Variants in LSAMP observed in about 807,000 individuals in gnomAD.
LSAMP encodes the protein limbic system-associated membrane protein.
Under a neutral mutation model 38.6 loss-of-function variants are expected in LSAMP, and 7 were observed. The ratio of observed to expected loss-of-function variants is 0.18; its 90% confidence interval spans 0.10 to 0.34. The LOEUF is 0.34. LSAMP is among the 10% of genes least tolerant of loss of function. The pLI, the probability that LSAMP is intolerant of heterozygous loss-of-function variation, is 1.00. For synonymous variants in LSAMP, 154 were observed against 166.8 expected, an observed-to-expected ratio of 0.92 and a Z score of 0.59; for missense variants, 313 against 420.0, an observed-to-expected ratio of 0.75 and a Z score of 2.23.
chr3:115,930,002 GT>G (rs1170325465), intron 3 of LSAMP, among the ~76,000 whole-genome samples: 4,126 of 79,990 alleles, frequency 0.052, 185 homozygotes, highest in African/African-American at 0.18. Context: ...TTTAGCAGAA[GT>G]TTTTTTTTTT....
chr3:115,911,839 T>A (rs1432635615), intron 3 of LSAMP, among the ~76,000 whole-genome samples: 2 of 152,258 alleles, frequency 1.3e-5, no homozygotes, highest in Non-Finnish European at 2.9e-5. Flanking sequence ...ATCCTTCTCA[T>A]CATTTGGTGT....
intron 3 of LSAMP, among the ~76,000 whole-genome samples, chr3:115,910,085 G>A (rs80326493): frequency 0.023 from 3,507 of 152,156 alleles, 159 homozygotes; most frequent in African/African-American, 0.078. Flanking sequence ...TTTACCCAGG[G>A]AGAAAGGTAA....
chr3:115,984,584 C>T (rs1283359091), intron 3 of LSAMP, among the ~76,000 whole-genome samples: 5 of 152,122 alleles, frequency 3.3e-5, no homozygotes, highest in Non-Finnish European at 7.3e-5. Context: ...GAATGTTTAT[C>T]ATATTACTAA....
chr3:116,075,312 A>C (rs1200701548), intron 2 of LSAMP, among the ~76,000 whole-genome samples: 3 of 149,376 alleles, frequency 2.0e-5, no homozygotes, highest in Admixed American at 6.7e-5. Flanking sequence ...AATTTCTTGT[A>C]TTTTTAGTAG....
At chr3:116,414,448 A>C (rs796987748) in intron 1 of LSAMP, among the ~76,000 whole-genome samples, 37 of 152,114 alleles carry the variant, frequency 2.4e-4, no homozygotes, top group African/African-American at 8.7e-4. Flanking sequence ...TCATCTATTT[A>C]TTTATTTATT....
At chr3:115,856,221 G>C (rs566476829) in intron 3 of LSAMP, among the ~76,000 whole-genome samples, 1 of 152,292 alleles carries the variant, frequency 6.6e-6, no homozygotes, top group South Asian at 2.1e-4. Context: ...TTCATATGTT[G>C]AAACTTAAGC....
intron 2 of LSAMP, among the ~76,000 whole-genome samples, chr3:116,062,977 A>T (rs1941623338): frequency 6.6e-6 from 1 of 152,190 alleles, no homozygotes; most frequent in Admixed American, 6.5e-5. Flanking sequence ...TATTCCATTC[A>T]AGTCGTGTGA....
chr3:116,069,731 AT>A (rs1295838373), intron 2 of LSAMP, among the ~76,000 whole-genome samples: 1 of 152,222 alleles, frequency 6.6e-6, no homozygotes, highest in East Asian at 1.9e-4. Context: ...AAATAGGGAC[AT>A]CAGAAAGAAA....
At chr3:116,441,561 G>A (rs2049435315) in intron 1 of LSAMP, among the ~76,000 whole-genome samples, 2 of 152,118 alleles carry the variant, frequency 1.3e-5, no homozygotes, top group African/African-American at 4.8e-5. Flanking sequence ...GCTATTCTTT[G>A]ACTTGTAAGA....
At chr3:115,962,606 T>C (rs915496707) in intron 3 of LSAMP, among the ~76,000 whole-genome samples, 7 of 152,172 alleles carry the variant, frequency 4.6e-5, no homozygotes, top group African/African-American at 1.7e-4. Flanking sequence ...GGATAATATA[T>C]GTGAAAGGAA....
intron 3 of LSAMP, among the ~76,000 whole-genome samples, chr3:115,881,569 T>A (rs1228925636): frequency 6.6e-6 from 1 of 152,162 alleles, no homozygotes; most frequent in Non-Finnish European, 1.5e-5. Flanking sequence ...AGAGCAAGCA[T>A]CCTTTTACTG....
In LSAMP at chr3:115,809,059, C is replaced by G. The variant is rs896202162; in HGVS notation, c.*1258G>C. The G allele has an allele frequency of 1.3e-5, 2 of 152,186 alleles. No homozygotes were observed. Among genetic ancestry groups the G allele is most frequent in the Non-Finnish European group, 2.9e-5 (2 of 68,038 alleles). 9.4% of individuals were successfully genotyped at this position (152,186 alleles called of 1,614,324 possible). A position where few individuals can be genotyped will look rare whatever the true frequency, so the allele number is the denominator to read the frequency against. On this transcript the variant is annotated 3_prime_UTR_variant, in exon 7 of 7. Transcript: ENST00000490035. ...TTGACACTTGGAGACCTTCCTGTTTCTGGGGATTTACTCAACACATGCTGC... is the reference window on the plus strand; with the variant it reads ...TTGACACTTGGAGACCTTCCTGTTTGTGGGGATTTACTCAACACATGCTGC...
chr3:116,193,816 G>C (rs997430001), intron 1 of LSAMP, among the ~76,000 whole-genome samples: 3 of 152,156 alleles, frequency 2.0e-5, no homozygotes, highest in African/African-American at 7.2e-5. Flanking sequence ...TGCCAGGAAA[G>C]TTAAACATGA....
chr3:115,897,907 A>G (rs931501900), intron 3 of LSAMP, among the ~76,000 whole-genome samples: 2 of 152,144 alleles, frequency 1.3e-5, no homozygotes, highest in African/African-American at 4.8e-5. Flanking sequence ...CAATGTCAAG[A>G]AGCCATGTTG....
At chr3:116,318,503 T>C (rs535533760) in intron 1 of LSAMP, among the ~76,000 whole-genome samples, 1 of 152,322 alleles carries the variant, frequency 6.6e-6, no homozygotes, top group South Asian at 2.1e-4. Flanking sequence ...CCAAGCCAAC[T>C]GTCAGCCTGA....
At chr3:116,038,134 G>A (rs114584532) in intron 2 of LSAMP, among the ~76,000 whole-genome samples, 1,856 of 152,192 alleles carry the variant, frequency 0.012, 37 homozygotes, top group African/African-American at 0.041. Context: ...CCTTGTTTCA[G>A]TCCCAGTTCC....
chr3:116,090,038 T>C (rs1708082857), intron 1 of LSAMP, among the ~76,000 whole-genome samples: 1 of 150,070 alleles, frequency 6.7e-6, no homozygotes, highest in Non-Finnish European at 1.5e-5. Context: ...TTTTTAATCA[T>C]AAAAAGTACA....
intron 1 of LSAMP, among the ~76,000 whole-genome samples, chr3:116,305,905 T>C (rs958135809): frequency 6.7e-6 from 1 of 150,018 alleles, no homozygotes; most frequent in Admixed American, 6.8e-5. Flanking sequence ...ATTTTATCTC[T>C]GCCTCTTGTA....
intron 3 of LSAMP, among the ~76,000 whole-genome samples, chr3:115,986,263 A>G (rs1425908579): frequency 6.6e-6 from 1 of 152,174 alleles, no homozygotes; most frequent in Non-Finnish European, 1.5e-5. Flanking sequence ...GAAGGAATGT[A>G]GGGGTTAGAA....
Sources: gnomAD v4.1 joint callset for allele counts (sites outside exome capture counted in the v4.1 genomes callset) on GRCh38, gnomAD v4.1.1 for gene constraint, MANE v1.5 for transcripts, NCBI Gene and HGNC (gene_info 2026-07-23, HGNC 2026-07-21) for gene names.